FAS: variants seen among roughly 807,000 people sequenced by gnomAD.
The protein encoded by FAS is tumor necrosis factor receptor superfamily member 6.
In FAS, 5 loss-of-function variants were observed where a neutral mutation model predicts 33.2. That is an observed-to-expected ratio of 0.15 (90% CI 0.08 to 0.32). The LOEUF (loss-of-function observed/expected upper bound fraction) is 0.32, where lower values mean the gene tolerates loss of function less well. Ranked by LOEUF, FAS falls within the 10% of genes least tolerant of loss-of-function variation. The pLI is 1.00. For missense variants in FAS, 339 were observed against 386.0 expected (o/e 0.88, Z 1.02); for synonymous variants, 131 against 130.7 (o/e 1.00, Z -0.01).
chr10:89,014,194 A>C lies in FAS; in HGVS notation c.752A>C (p.Lys251Thr), dbSNP rs544766724. 1 of 1,613,974 alleles carries C rather than the reference A, an allele frequency of 6.2e-7. No individual in the cohort carries two copies. Among genetic ancestry groups the C allele is most frequent in the South Asian group, 1.1e-5 (1 of 91,082 alleles). Reference sequence around the variant, plus strand: ...AGTCAAGTTAAAGGCTTTGTTCGAAAGAATGGTGTCAATGAAGCCAAAATA... The same window carrying C: ...AGTCAAGTTAAAGGCTTTGTTCGAACGAATGGTGTCAATGAAGCCAAAATA... ...TLSQVKGFVR[K>T]NGVNEAKIDE... is the part of the protein sequence containing the mutation. Residue 251 changes from lysine to threonine, a missense_variant, in exon 9 of 9, where the codon AAG (lysine) becomes ACG (threonine). Physicochemically the swap from Lys to Thr is moderately conservative, Grantham distance 78 (BLOSUM62 -1). Around this residue, in one of 3 missense-constraint regions of FAS, gnomAD observed 276 missense variants for 300.1 expected, o/e 0.92. Transcript: ENST00000652046.
chr10:89,010,139 C>T (rs537219500), intron 4 of FAS, among the ~76,000 whole-genome samples: 12 of 152,282 alleles, frequency 7.9e-5, no homozygotes, highest in Middle Eastern at 3.4e-3. Context: ...GTGGCTATCA[C>T]CTGGCCATTT....
At chr10:88,969,972 CA>C (rs1359767357) in intron 1 of FAS, among the ~76,000 whole-genome samples, 23 of 152,268 alleles carry the variant, frequency 1.5e-4, no homozygotes, top group Non-Finnish European at 3.1e-4. Context: ...TCTAACTCTT[CA>C]TAAAATAAAC....
intron 2 of FAS, among the ~76,000 whole-genome samples, chr10:88,975,919 G>A (rs552612805): frequency 6.6e-6 from 1 of 152,200 alleles, no homozygotes; most frequent in African/African-American, 2.4e-5. Context: ...GAGATTAATA[G>A]AAGCCAAATT....
At chr10:89,000,801 C>A (rs1482769612) in intron 1 of FAS, among the ~76,000 whole-genome samples, 2 of 152,212 alleles carry the variant, frequency 1.3e-5, no homozygotes, top group Non-Finnish European at 2.9e-5. Flanking sequence ...AATCCCAGCA[C>A]TTTGGGAAGC....
intron 1 of FAS, among the ~76,000 whole-genome samples, chr10:88,965,317 G>A (rs963546595): frequency 6.6e-6 from 1 of 152,114 alleles, no homozygotes. Context: ...ATTTGGTTAA[G>A]CAACTTTCTA....
chr10:89,016,489 C>G lies in FAS; in HGVS notation c.*2039C>G, dbSNP rs1848810233. On this transcript the variant is annotated 3_prime_UTR_variant, in exon 9 of 9. Coordinates refer to ENST00000652046, the MANE Select transcript of FAS (RefSeq NM_000043.6). ...AGATTAAGTTAGAGAACACCCTATT[C>G]CACTTTGGTGAACTCAGAGCAAGAA... 1 of 225,432 alleles carries G rather than the reference C, an allele frequency of 4.4e-6. No homozygotes were observed. Among genetic ancestry groups the G allele is most frequent in the African/African-American group, 2.2e-5 (1 of 44,902 alleles). The allele number at this position is 225,432 out of a possible 1,614,324, so 14.0% of individuals were successfully genotyped here.
intron 4 of FAS, 114 bp downstream of exon 4, chr10:89,009,111 C>T (rs147209237): frequency 3.9e-6 from 4 of 1,019,818 alleles, no homozygotes; most frequent in Non-Finnish European, 6.2e-6. Flanking sequence ...TCCTGCTTTG[C>T]CTCCAAGCAA....
chr10:88,990,736 A>C (rs773950456), upstream of FAS: 1 of 980,934 alleles, frequency 1.0e-6, no homozygotes, highest in Non-Finnish European at 1.6e-6. This position sits in a 1 kb window ranked among gnomAD's most constrained non-coding sequence, Gnocchi z 4.9. Flanking sequence ...CTGGAGCCTC[A>C]GGGGCGGGCA....
At chr10:88,984,318 G>A (rs565845474), upstream of FAS, among the ~76,000 whole-genome samples, 4 of 152,290 alleles carry the variant, frequency 2.6e-5, no homozygotes, top group Middle Eastern at 3.4e-3. Flanking sequence ...TCTAAAGTGG[G>A]AGGTGTTGAT....
upstream of FAS, among the ~76,000 whole-genome samples, chr10:88,984,631 G>A (rs1404136071): frequency 9.2e-5 from 14 of 151,704 alleles, no homozygotes; most frequent in Non-Finnish European, 1.9e-4. Flanking sequence ...ACTTCAAAAG[G>A]CTGATGTGGT....
chr10:88,974,535 A>G (rs1161015526), intron 2 of FAS: 1 of 152,218 alleles, frequency 6.6e-6, no homozygotes, highest in Non-Finnish European at 1.5e-5. Context: ...TTATTTTAAT[A>G]GTAACAAGGT....
chr10:89,003,707 CT>C (rs942280186), intron 2 of FAS, among the ~76,000 whole-genome samples: 16 of 149,474 alleles, frequency 1.1e-4, no homozygotes, highest in Admixed American at 1.3e-4. Flanking sequence ...AAACCAACAG[CT>C]TTTTTTTTTA....
intron 1 of FAS, chr10:88,973,169 G>C (rs1589417953): frequency 2.5e-6 from 4 of 1,608,888 alleles, no homozygotes; most frequent in South Asian, 1.1e-5. Flanking sequence ...CCTTTCTTCT[G>C]TGTGACCTAT....
At chr10:88,990,228 T>C (rs1050187341), upstream of FAS, among the ~76,000 whole-genome samples, 1 of 152,214 alleles carries the variant, frequency 6.6e-6, no homozygotes, top group Admixed American at 6.5e-5. The surrounding 1 kb of genome is among the most constrained non-coding windows in gnomAD (Gnocchi z 4.9). Flanking sequence ...GCCTCTCATG[T>C]TGCAGCCACA....
chr10:89,016,118 A>G lies in FAS; in HGVS notation c.*1668A>G, dbSNP rs1387549972. ...AAATATTCTTTCCTGCATATTATCC[A>G]TTCTAGCTACATGCTGGCCAGTGGG... On this transcript the variant is annotated 3_prime_UTR_variant, in exon 9 of 9. Coordinates refer to ENST00000652046, the MANE Select transcript of FAS (RefSeq NM_000043.6). The G allele has an allele frequency of 8.9e-6, 2 of 223,998 alleles. No homozygotes were observed. The highest frequency in any genetic ancestry group is 1.7e-4 in the South Asian group (1 of 5,756). The allele number at this position is 223,998 out of a possible 1,614,324, so 13.9% of individuals were successfully genotyped here.
At chr10:89,002,839 C>A (rs1483963927) in intron 1 of FAS, 190 bp from the exon 2 acceptor site, 3 of 617,038 alleles carry the variant, frequency 4.9e-6, no homozygotes, top group Non-Finnish European at 8.7e-6. Flanking sequence ...GTTTGAAGAA[C>A]CTGAGATCCA....
chr10:88,990,524 C>A, upstream of FAS: 1 of 601,404 alleles, frequency 1.7e-6, no homozygotes, highest in East Asian at 3.4e-5. This position sits in a 1 kb window ranked among gnomAD's most constrained non-coding sequence, Gnocchi z 4.9. Flanking sequence ...CCTGACTTCT[C>A]CCCCTCCCTA....
chr10:88,980,139 G>A (rs565420165), intron 2 of FAS, among the ~76,000 whole-genome samples: 1 of 152,086 alleles, frequency 6.6e-6, no homozygotes, highest in Non-Finnish European at 1.5e-5. Context: ...TTCTGGTCTG[G>A]ACAGAAATGA....
intron 8 of FAS, among the ~76,000 whole-genome samples, 171 bp downstream of exon 8, chr10:89,013,538 TATA>T (rs9658768): frequency 8.9e-4 from 136 of 152,324 alleles, no homozygotes; most frequent in African/African-American, 3.1e-3. Context: ...TGTTTAAATT[TATA>T]ATGAATACTC....
Sources: allele counts gnomAD v4.1 joint callset (sites outside exome capture counted in the v4.1 genomes callset), GRCh38; gene constraint gnomAD v4.1.1; regional missense constraint gnomAD v4.1.1; non-coding constraint Gnocchi (gnomAD v3.1); transcripts MANE v1.5; gene names NCBI Gene and HGNC (gene_info 2026-07-23, HGNC 2026-07-21).